PROC: variants seen among roughly 807,000 people sequenced by gnomAD.
PROC encodes the protein vitamin K-dependent protein C.
PROC carries 22 observed loss-of-function variants against 36.3 expected under a neutral mutation model. The ratio of observed to expected loss-of-function variants is 0.61; its 90% CI spans 0.43 to 0.86. PROC has a LOEUF of 0.86. PROC is among the 40% of genes least tolerant of loss of function. PROC has a pLI of 0.00. For missense variants in PROC, 526 were observed against 629.7 expected (o/e 0.84, Z 1.76); for synonymous variants, 218 against 244.5 (o/e 0.89, Z 1.01).
chr2:127,420,057 A>T (rs1326275472), intron 2 of PROC, 45 bp downstream of exon 2: 7 of 1,601,540 alleles, frequency 4.4e-6, no homozygotes, highest in Non-Finnish European at 6.0e-6. Flanking sequence ...TGGCCTCTAC[A>T]AGGCCCTGGT....
chr2:127,419,645 C>A (rs535834739), intron 1 of PROC: 16 of 569,290 alleles, frequency 2.8e-5, no homozygotes, highest in Admixed American at 1.3e-4. Flanking sequence ...CAGAGGCAGC[C>A]ACCCCACTGT....
intron 3 of PROC, 144 bp downstream of exon 3, chr2:127,421,593 C>T: frequency 1.1e-6 from 1 of 950,702 alleles, no homozygotes; most frequent in Non-Finnish European, 1.6e-6. Flanking sequence ...GATGCTGGCC[C>T]TATGATGTCG....
rs1238855623 is a variant in PROC, at chr2:127,428,779, G to A, written c.1219G>A (p.Val407Ile). ...ACEGDSGGPM[V>I]ASFHGTWFLV... ...CGAGGGCGACAGTGGGGGGCCCATG[G>A]TCGCCTCCTTCCACGGCACCTGGTT... The change falls in exon 9 of 9, where the codon GTC (valine) becomes ATC (isoleucine). Residue 407 changes from valine to isoleucine, a missense_variant. Coordinates refer to ENST00000234071, the MANE Select transcript of PROC (RefSeq NM_000312.4). 1.9e-6 allele frequency: 3 copies of A among 1,612,384 alleles called. No individual in the cohort carries two copies. Among genetic ancestry groups the A allele is most frequent in the African/African-American group, 2.7e-5 (2 of 74,954 alleles).
chr2:127,426,004 CA>C lies in PROC; in HGVS notation c.536-80del, dbSNP rs1688468878. The C allele has an allele frequency of 1.9e-6, 3 of 1,585,888 alleles. No individual in the cohort carries two copies. Among genetic ancestry groups the C allele is most frequent in the Non-Finnish European group, 2.6e-6 (3 of 1,156,816 alleles). ...CCCTGCACTGTGGCAAAGTGGCCCA[CA>C]GGCTGGAGGAGGACCAAGACAGGAG... On this transcript the variant is annotated intron_variant, in intron 6 of 8. Transcript: ENST00000234071. This position sits in a 1 kb window ranked among gnomAD's most constrained non-coding sequence, Gnocchi z 7.0.
intron 3 of PROC, among the ~76,000 whole-genome samples, chr2:127,422,546 C>T (rs1688163540): frequency 6.6e-6 from 1 of 152,272 alleles, no homozygotes; most frequent in Admixed American, 6.5e-5. Context: ...CAGGGGTCCC[C>T]CAAAGCCCGC....
At chr2:127,424,928 C>A (rs1024566116) in intron 6 of PROC, among the ~76,000 whole-genome samples, 1 of 152,160 alleles carries the variant, frequency 6.6e-6, no homozygotes, top group African/African-American at 2.4e-5. Flanking sequence ...CCCCTCAGAG[C>A]AGGGTGGGGC....
In PROC at chr2:127,428,552, A is replaced by G. The variant is rs776245026; in HGVS notation, c.992A>G (p.Asn331Ser). 4.3e-6 allele frequency: 7 copies of G among 1,613,790 alleles called. No individual in the cohort carries two copies. The African/African-American group carries it at 5.3e-5, about 12-fold the overall frequency. Residue 331 changes from asparagine (N) to serine (S), a missense_variant, in exon 9 of 9, where the codon AAT becomes AGT. Physicochemically the swap from Asn to Ser is conservative, Grantham distance 46 (BLOSUM62 1). Coordinates refer to ENST00000234071, the MANE Select transcript of PROC (RefSeq NM_000312.4). ...AGCGGCCTTGCAGAGCGCGAGCTCA[A>G]TCAGGCCGGCCAGGAGACCCTCGTG... ...PDSGLAEREL[N>S]QAGQETLVTG...
At chr2:127,428,305 A>T (rs1475046881) in intron 8 of PROC, 52 bp from the exon 9 acceptor site, 2 of 1,567,962 alleles carry the variant, frequency 1.3e-6, no homozygotes, top group Non-Finnish European at 1.7e-6. Context: ...GGAAAGTGCC[A>T]CTGGGGAGAG....
At position 127,426,647 on chromosome 2, in the gene PROC, G is replaced by A; in HGVS notation, c.678+420G>A. 1 of 331,746 alleles carries A rather than the reference G, an allele frequency of 3.0e-6. No individual in the cohort carries two copies. The highest frequency in any genetic ancestry group is 5.8e-6 in the Non-Finnish European group (1 of 171,926). 20.6% of individuals were successfully genotyped at this position (331,746 alleles called of 1,614,324 possible). ...GCATGGGGGAGATAGGAACCAACAA[G>A]TGGGAGTATTTGCCCTGGGGACTCA... On this transcript the variant is annotated intron_variant, in intron 7 of 8. Coordinates refer to ENST00000234071, the MANE Select transcript of PROC (RefSeq NM_000312.4). The surrounding 1 kb of genome is among the most constrained non-coding windows in gnomAD (Gnocchi z 7.0).
At chr2:127,421,775 A>T (rs1379963540) in intron 3 of PROC, among the ~76,000 whole-genome samples, 2 of 152,202 alleles carry the variant, frequency 1.3e-5, no homozygotes, top group Non-Finnish European at 2.9e-5. Context: ...GAGGGGACCT[A>T]AAGACCACCC....
rs1165704661 is a variant in PROC, at chr2:127,418,834, G to A, written c.-22+342G>A. ...CTCAGAAGTGGCCTCAGAGGGAGTC[G>A]GCAAGAATGGAGAGCAGGGTCCGGT... On this transcript the variant is annotated intron_variant, in intron 1 of 8. Coordinates refer to ENST00000234071, the MANE Select transcript of PROC (RefSeq NM_000312.4). The surrounding 1 kb of genome is among the most constrained non-coding windows in gnomAD (Gnocchi z 4.8). Among the ~76,000 whole-genome samples the A allele has an allele frequency of 6.6e-6, 1 of 152,178 alleles. No individual in the cohort carries two copies. Among genetic ancestry groups the A allele is most frequent in the Non-Finnish European group, 1.5e-5 (1 of 68,026 alleles).
At position 127,423,289 on chromosome 2, in the gene PROC, A is replaced by G. The variant is rs950862727; in HGVS notation, c.416A>G (p.Asn139Ser). 8.4e-6 allele frequency: 13 copies of G among 1,549,626 alleles called. No individual in the cohort carries two copies. Among genetic ancestry groups the G allele is most frequent in the South Asian group, 5.9e-5 (5 of 84,064 alleles). ...RFCQREVSFLNCSLDNGGCTH... is the reference protein window; with the variant it reads ...RFCQREVSFLSCSLDNGGCTH... ...CTGCCCGCAGAGGTGAGCTTCCTCA[A>G]TTGCTCGCTGGACAACGGCGGCTGC... Residue 139 changes from asparagine (N) to serine (S), a missense_variant, in exon 6 of 9, where the codon AAT (asparagine) becomes AGT (serine). Asn to Ser is a conservative substitution (Grantham distance 46). Transcript: ENST00000234071.
chr2:127,428,610 G>A lies in PROC; in HGVS notation c.1050G>A (p.Lys350=), dbSNP rs771411580. Residue 350 remains lysine, a synonymous_variant, in exon 9 of 9, where the codon AAG becomes AAA. Coordinates refer to ENST00000234071, the MANE Select transcript of PROC (RefSeq NM_000312.4). ...TGWGYHSSRE[K]EAKRNRTFVL... is the part of the protein sequence containing the mutation. ...GGGGCTACCACAGCAGCCGAGAGAA[G>A]GAGGCCAAGAGAAACCGCACCTTCG... is the stretch of plus-strand genomic sequence containing the variant. 2.5e-6 allele frequency: 4 copies of A among 1,614,066 alleles called. No individual in the cohort carries two copies. Among genetic ancestry groups the A allele is most frequent in the Non-Finnish European group, 3.4e-6 (4 of 1,180,040 alleles).
intron 2 of PROC, among the ~76,000 whole-genome samples, chr2:127,420,708 C>T (rs1227472970): frequency 1.3e-5 from 2 of 152,148 alleles, no homozygotes; most frequent in Non-Finnish European, 2.9e-5. Flanking sequence ...GCCCAGGAGA[C>T]ACCTGGGGAC....
chr2:127,421,391 T>C lies in PROC; in HGVS notation c.179T>C (p.Ile60Thr), dbSNP rs751218842. 1.9e-6 allele frequency: 3 copies of C among 1,613,674 alleles called. No homozygotes were observed. In the African/African-American group the frequency reaches 4.0e-5, roughly 22 times the overall value. The change falls in exon 3 of 9, where the codon ATA (isoleucine) becomes ACA (threonine). Residue 60 changes from isoleucine (I) to threonine (T), a missense_variant. By Grantham distance (89) the Ile-to-Thr change is moderately conservative (BLOSUM62 -1). Transcript: ENST00000234071. Reference protein sequence around the residue: ...LRHSSLERECIEEICDFEEAK... With the variant: ...LRHSSLERECTEEICDFEEAK... ...CACAGCAGCCTGGAGCGGGAGTGCA[T>C]AGAGGAGATCTGTGACTTCGAGGAG...
At chr2:127,428,271 G>A in intron 8 of PROC, 86 bp from the exon 9 acceptor site, 5 of 1,318,094 alleles carry the variant, frequency 3.8e-6, no homozygotes, top group Non-Finnish European at 5.3e-6. Context: ...AGGCCTGCAG[G>A]GGCACAGCAG....
chr2:127,426,354 A>T lies in PROC; in HGVS notation c.678+127A>T. The T allele has an allele frequency of 2.4e-5, 30 of 1,255,518 alleles. No individual in the cohort carries two copies. The highest frequency in any genetic ancestry group is 4.6e-5 in the African/African-American group (3 of 65,266). The allele number at this position is 1,255,518 out of a possible 1,614,324, so 77.8% of individuals were successfully genotyped here. A position where few individuals can be genotyped will look rare whatever the true frequency, so the allele number is the denominator to read the frequency against. On this transcript the variant is annotated intron_variant, in intron 7 of 8. Coordinates refer to ENST00000234071, the MANE Select transcript of PROC (RefSeq NM_000312.4). The surrounding 1 kb of genome is among the most constrained non-coding windows in gnomAD (Gnocchi z 7.0). ...TGCCATTGCGTTTGGGGGATGATGAAGGTGGGGGATGCTTCAGGGAAAGAT... is the reference window on the plus strand; with the variant it reads ...TGCCATTGCGTTTGGGGGATGATGATGGTGGGGGATGCTTCAGGGAAAGAT...
chr2:127,423,132 G>T lies in PROC; in HGVS notation c.361G>T (p.Asp121Tyr). The T allele has an allele frequency of 4.4e-6, 7 of 1,605,158 alleles. No individual in the cohort carries two copies. Among genetic ancestry groups the T allele is most frequent in the Non-Finnish European group, 6.0e-6 (7 of 1,176,082 alleles). ...CGACGGCATCGGCAGCTTCAGCTGCGACTGCCGCAGCGGCTGGGAGGGCCG... is the reference window on the plus strand; with the variant it reads ...CGACGGCATCGGCAGCTTCAGCTGCTACTGCCGCAGCGGCTGGGAGGGCCG... ...CIDGIGSFSC[D>Y]CRSGWEGRFC... Residue 121 changes from aspartate to tyrosine, a missense_variant, in exon 5 of 9, where the codon GAC becomes TAC. By Grantham distance (160) the Asp-to-Tyr change is radical. Coordinates refer to ENST00000234071, the MANE Select transcript of PROC (RefSeq NM_000312.4).
chr2:127,423,474 G>A, intron 6 of PROC, 66 bp downstream of exon 6: 1 of 1,524,008 alleles, frequency 6.6e-7, no homozygotes, highest in Non-Finnish European at 8.8e-7. Flanking sequence ...CCCCCTGACG[G>A]GGCGCGGCGC....
Sources: gnomAD v4.1 joint callset for allele counts (sites outside exome capture counted in the v4.1 genomes callset) on GRCh38, gnomAD v4.1.1 for gene constraint, Gnocchi (gnomAD v3.1) non-coding constraint, MANE v1.5 for transcripts, NCBI Gene and HGNC (gene_info 2026-07-23, HGNC 2026-07-21) for gene names.